ATP8A1: variants seen among roughly 807,000 people sequenced by gnomAD.
ATP8A1 encodes phospholipid-transporting ATPase IA.
ATP8A1 carries 90 observed loss-of-function variants against 177.7 expected under a neutral mutation model. That is an observed-to-expected ratio of 0.51 (90% CI 0.43 to 0.60). The LOEUF is 0.60. Among genes scored for constraint, ATP8A1 ranks in the 20% least tolerant of loss-of-function variants. ATP8A1 has a pLI of 0.00. For missense variants in ATP8A1, 1,072 were observed against 1,392.8 expected, an observed-to-expected ratio of 0.77 and a Z score of 3.67; for synonymous variants, 493 against 485.9, an observed-to-expected ratio of 1.01 and a Z score of -0.19.
chr4:42,426,770 G>A (rs1027023552), intron 33 of ATP8A1, among the ~76,000 whole-genome samples: 14 of 152,076 alleles, frequency 9.2e-5, no homozygotes, highest in Non-Finnish European at 1.8e-4. Context: ...ATTTTATGAT[G>A]TTCATCTCAA....
chr4:42,484,300 C>CA (rs1314047398), intron 25 of ATP8A1, among the ~76,000 whole-genome samples: 1 of 151,780 alleles, frequency 6.6e-6, no homozygotes, highest in Non-Finnish European at 1.5e-5. Context: ...ATATATTGTC[C>CA]AAGAACTTTA....
In ATP8A1 at chr4:42,412,375, T is replaced by C. The variant is rs922241644; in HGVS notation, c.*541A>G. The C allele has an allele frequency of 6.6e-6, 1 of 152,264 alleles. No individual in the cohort carries two copies. Among genetic ancestry groups the C allele is most frequent in the African/African-American group, 2.4e-5 (1 of 41,474 alleles). The allele number at this position is 152,264 out of a possible 1,614,324, so 9.4% of individuals were successfully genotyped here. A position where few individuals can be genotyped will look rare whatever the true frequency, so the allele number is the denominator to read the frequency against. On this transcript the variant is annotated 3_prime_UTR_variant, in exon 37 of 37. Transcript: ENST00000381668. Reference sequence around the variant, plus strand: ...ACTACTGAACTAGAAAAACACTTACTGAACCTCTTTGGCAAACATTTATCA... The same window carrying C: ...ACTACTGAACTAGAAAAACACTTACCGAACCTCTTTGGCAAACATTTATCA...
chr4:42,625,762 C>T, intron 2 of ATP8A1, 49 bp from the exon 3 acceptor site: 1 of 1,135,876 alleles, frequency 8.8e-7, no homozygotes, highest in South Asian at 1.5e-5. Context: ...ATAATTAGCA[C>T]CCACACTTAC....
chr4:42,490,702 C>A (rs534191517), intron 24 of ATP8A1, among the ~76,000 whole-genome samples: 1 of 152,296 alleles, frequency 6.6e-6, no homozygotes, highest in African/African-American at 2.4e-5. Context: ...ATTTCCTTTT[C>A]CTTTAAGCCT....
chr4:42,628,113 C>A (rs765129085), intron 1 of ATP8A1, among the ~76,000 whole-genome samples: 11 of 152,124 alleles, frequency 7.2e-5, no homozygotes, highest in Non-Finnish European at 1.2e-4. Context: ...AACACCAGTG[C>A]CAACAAACAG....
intron 25 of ATP8A1, among the ~76,000 whole-genome samples, chr4:42,477,699 C>A (rs944015682): frequency 7.3e-5 from 11 of 151,138 alleles, no homozygotes; most frequent in African/African-American, 2.7e-4. Context: ...TGGCTAGGCG[C>A]AGTGGCTCAC....
chr4:42,451,464 T>C (rs1560338862), intron 30 of ATP8A1, among the ~76,000 whole-genome samples: 1 of 152,226 alleles, frequency 6.6e-6, no homozygotes, highest in Non-Finnish European at 1.5e-5. Context: ...AAATGCACCA[T>C]GATCCTCTTT....
At chr4:42,455,773 T>G (rs1477632388) in intron 27 of ATP8A1, among the ~76,000 whole-genome samples, 174 bp from the exon 28 acceptor site, 4 of 152,214 alleles carry the variant, frequency 2.6e-5, no homozygotes, top group African/African-American at 9.6e-5. Context: ...GATGCTTTCA[T>G]AGGGTATTTG....
At chr4:42,649,447 T>C (rs1740870375) in intron 1 of ATP8A1, among the ~76,000 whole-genome samples, 1 of 152,204 alleles carries the variant, frequency 6.6e-6, no homozygotes, top group Admixed American at 6.5e-5. Flanking sequence ...ATTGTAAATA[T>C]ATAAATTTAT....
chr4:42,414,771 C>A (rs1713038505), intron 35 of ATP8A1, 53 bp from the exon 36 acceptor site: 2 of 1,365,110 alleles, frequency 1.5e-6, no homozygotes, highest in Non-Finnish European at 1.0e-6. Flanking sequence ...GCAGAGACCC[C>A]AGTGTGCCCA....
At chr4:42,642,305 G>A (rs1740081521) in intron 1 of ATP8A1, among the ~76,000 whole-genome samples, 1 of 152,132 alleles carries the variant, frequency 6.6e-6, no homozygotes, top group African/African-American at 2.4e-5. Context: ...ACCCTAACGA[G>A]ACTCTGAGAA....
intron 5 of ATP8A1, among the ~76,000 whole-genome samples, chr4:42,615,055 A>G (rs563190696): frequency 6.6e-6 from 1 of 152,212 alleles, no homozygotes; most frequent in Non-Finnish European, 1.5e-5. Context: ...GTACTTTTAC[A>G]TGTTTTTACA....
intron 27 of ATP8A1, among the ~76,000 whole-genome samples, chr4:42,463,951 C>A (rs1188385770): frequency 6.6e-6 from 1 of 152,170 alleles, no homozygotes; most frequent in Non-Finnish European, 1.5e-5. Context: ...CATATTCTTC[C>A]TGATTGCACT....
At chr4:42,635,242 C>T (rs1485601024) in intron 1 of ATP8A1, among the ~76,000 whole-genome samples, 2 of 151,782 alleles carry the variant, frequency 1.3e-5, no homozygotes, top group Non-Finnish European at 2.9e-5. Context: ...GAGACAAGAA[C>T]AAGATACAAA....
At chr4:42,646,318 G>A (rs958411846) in intron 1 of ATP8A1, among the ~76,000 whole-genome samples, 10 of 152,188 alleles carry the variant, frequency 6.6e-5, no homozygotes, top group Admixed American at 6.5e-4. Context: ...TCAGGGTCAG[G>A]GAAGTGGTGA....
intron 1 of ATP8A1, among the ~76,000 whole-genome samples, chr4:42,646,942 A>G (rs745473059): frequency 4.6e-5 from 7 of 152,238 alleles, no homozygotes; most frequent in Non-Finnish European, 8.8e-5. Context: ...ATACTACTTA[A>G]GAGTTTTATC....
chr4:42,577,040 G>T (rs1021170169), intron 12 of ATP8A1, among the ~76,000 whole-genome samples: 9 of 152,154 alleles, frequency 5.9e-5, no homozygotes, highest in Admixed American at 4.6e-4. Flanking sequence ...GTAAAAGAAG[G>T]CTGGAAAGTC....
intron 1 of ATP8A1, among the ~76,000 whole-genome samples, chr4:42,655,756 C>T (rs1448675583): frequency 1.3e-5 from 2 of 152,074 alleles, no homozygotes; most frequent in African/African-American, 4.8e-5. Context: ...TACAGGGAGC[C>T]CCTAAGGAGA....
chr4:42,597,705 A>T (rs1387999155), intron 6 of ATP8A1, among the ~76,000 whole-genome samples: 1 of 152,198 alleles, frequency 6.6e-6, no homozygotes, highest in Non-Finnish European at 1.5e-5. Context: ...ATTTTTATAC[A>T]CGTGGAGATA....
Sources: gnomAD v4.1 joint callset for allele counts (sites outside exome capture counted in the v4.1 genomes callset) on GRCh38, gnomAD v4.1.1 for gene constraint, MANE v1.5 for transcripts, NCBI Gene and HGNC (gene_info 2026-07-23, HGNC 2026-07-21) for gene names.